Variants in PCDHAC2 observed in about 807,000 individuals in gnomAD.
PCDHAC2 encodes the protein protocadherin alpha-C2.
In PCDHAC2, 24 loss-of-function variants were observed where a neutral mutation model predicts 63.3. That is an observed-to-expected ratio of 0.38 (90% CI 0.27 to 0.53). PCDHAC2 has a LOEUF of 0.53. PCDHAC2 is among the 20% of genes least tolerant of loss of function. The pLI is 0.81. For missense variants in PCDHAC2, 1,181 were observed against 1,275.2 expected, an observed-to-expected ratio of 0.93 and a Z score of 1.12; for synonymous variants, 569 against 529.4, an observed-to-expected ratio of 1.07 and a Z score of -1.03.
At chr5:140,987,938 C>G (rs2153869339) in intron 3 of PCDHAC2, among the ~76,000 whole-genome samples, 1 of 152,208 alleles carries the variant, frequency 6.6e-6, no homozygotes, top group East Asian at 1.9e-4. Context: ...AGGATTCTTA[C>G]CTGTCTGACA....
intron 3 of PCDHAC2, among the ~76,000 whole-genome samples, chr5:140,992,185 C>G (rs1554252730): frequency 1.3e-5 from 2 of 152,102 alleles, no homozygotes; most frequent in African/African-American, 4.8e-5. Context: ...ATCATGCTTT[C>G]AGTGATCTAT....
intron 2 of PCDHAC2, among the ~76,000 whole-genome samples, chr5:140,979,601 C>T (rs1214449101): frequency 1.3e-5 from 2 of 152,160 alleles, no homozygotes; most frequent in African/African-American, 4.8e-5. Context: ...TTTAAATTAA[C>T]CTAGAGTAAC....
At chr5:140,971,892 G>T in intron 1 of PCDHAC2, among the ~76,000 whole-genome samples, 1 of 151,812 alleles carries the variant, frequency 6.6e-6, no homozygotes, top group African/African-American at 2.4e-5. Context: ...AGCTCAGGGA[G>T]GTTAGGTAAT....
intron 3 of PCDHAC2, among the ~76,000 whole-genome samples, chr5:141,002,460 C>T (rs1554258683): frequency 2.0e-5 from 3 of 152,174 alleles, no homozygotes; most frequent in African/African-American, 7.2e-5. Context: ...ATTTGTATAA[C>T]GCTTTAGCAT....
intron 3 of PCDHAC2, among the ~76,000 whole-genome samples, chr5:141,008,968 T>C (rs1241825350): frequency 6.6e-6 from 1 of 152,256 alleles, no homozygotes; most frequent in Non-Finnish European, 1.5e-5. Flanking sequence ...AATACATTTA[T>C]AGCCAAAGTT....
At chr5:140,980,858 A>T (rs2096908934) in intron 2 of PCDHAC2, among the ~76,000 whole-genome samples, 2 of 152,162 alleles carry the variant, frequency 1.3e-5, no homozygotes, top group Admixed American at 1.3e-4. Flanking sequence ...TCTTTTTCGT[A>T]TGTGTGCTTG....
chr5:140,992,017 CTGTGTGTGTG>C (rs10602499), intron 3 of PCDHAC2, among the ~76,000 whole-genome samples: 1 of 145,512 alleles, frequency 6.9e-6, no homozygotes, highest in Non-Finnish European at 1.5e-5. Context: ...AGAGGTGGCT[CTGTGTGTGTG>C]TGTGTGTGTG....
chr5:140,976,354 C>A (rs1331334402), intron 1 of PCDHAC2, among the ~76,000 whole-genome samples: 2 of 151,960 alleles, frequency 1.3e-5, no homozygotes, highest in Non-Finnish European at 2.9e-5. Context: ...TGTTCAAGAC[C>A]AGCCTGGCCA....
chr5:140,979,006 A>G lies in PCDHAC2; in HGVS notation c.2623A>G (p.Ser875Gly), dbSNP rs149397164. ...TGCCTCCCTGAGAGCAGGCATGCAC[A>G]GGTATGTATTTCCCTCCTCATTCAC... ...YSASLRAGMH[S>G]SVHLEEAGIL... Residue 875 changes from serine (S) to glycine (G), a missense_variant and splice_region_variant, in exon 2 of 4, where the codon AGC becomes GGC. Ser to Gly is a moderately conservative substitution (Grantham distance 56). This residue lies in a region of PCDHAC2 where 968 missense variants were observed against 1,073.5 expected (regional missense o/e 0.90). Coordinates refer to ENST00000289269, the MANE Select transcript of PCDHAC2 (RefSeq NM_018899.6). The G allele has an allele frequency of 4.3e-6, 7 of 1,614,000 alleles. No individual in the cohort carries two copies. The highest frequency in any genetic ancestry group is 5.1e-6 in the Non-Finnish European group (6 of 1,179,938).
chr5:141,001,492 T>A (rs1190860523), intron 3 of PCDHAC2, among the ~76,000 whole-genome samples: 1 of 152,236 alleles, frequency 6.6e-6, no homozygotes, highest in African/African-American at 2.4e-5. Context: ...CTGGAAATGC[T>A]AGCCCAGGTG....
intron 2 of PCDHAC2, among the ~76,000 whole-genome samples, chr5:140,980,258 G>A (rs2096882497): frequency 6.6e-6 from 1 of 152,164 alleles, no homozygotes; most frequent in Non-Finnish European, 1.5e-5. Context: ...GTAAAAGCAT[G>A]GTTTACAGTA....
rs2096830713 is a variant in PCDHAC2 at position 140,978,969 on chromosome 5, C to G, written c.2586C>G (p.Asp862Glu). 4 of 1,614,092 alleles carry G rather than the reference C, an allele frequency of 2.5e-6. No homozygotes were observed. The highest frequency in any genetic ancestry group is 1.6e-4 in the Middle Eastern group (1 of 6,084). ...TGCAGCCACGACAGCCCAACCCTGACTGGCGTTACTCTGCCTCCCTGAGAG... is the reference window on the plus strand; with the variant it reads ...TGCAGCCACGACAGCCCAACCCTGAGTGGCGTTACTCTGCCTCCCTGAGAG... ...SQNEPRQPNP[D>E]WRYSASLRAG... The change falls in exon 2 of 4, where the codon GAC becomes GAG. Residue 862 changes from aspartate (D) to glutamate (E), a missense_variant. Coordinates refer to ENST00000289269, the MANE Select transcript of PCDHAC2 (RefSeq NM_018899.6).
At chr5:140,995,653 G>A (rs964259982) in intron 3 of PCDHAC2, among the ~76,000 whole-genome samples, 1 of 152,100 alleles carries the variant, frequency 6.6e-6, no homozygotes, top group Non-Finnish European at 1.5e-5. Context: ...AAGGAGAATC[G>A]AAAAGGGAAG....
At chr5:140,973,980 A>G (rs1554235707) in intron 1 of PCDHAC2, among the ~76,000 whole-genome samples, 1 of 152,248 alleles carries the variant, frequency 6.6e-6, no homozygotes, top group African/African-American at 2.4e-5. Flanking sequence ...TGGCTTTTAC[A>G]GAACTTCACC....
At chr5:140,972,471 G>A (rs1437633114) in intron 1 of PCDHAC2, among the ~76,000 whole-genome samples, 6 of 151,998 alleles carry the variant, frequency 3.9e-5, no homozygotes, top group Non-Finnish European at 8.8e-5. Context: ...TTAAACATCA[G>A]CATTTAACCC....
chr5:140,969,401 T>A, intron 1 of PCDHAC2, 70 bp downstream of exon 1: 1 of 1,579,566 alleles, frequency 6.3e-7, no homozygotes, highest in Non-Finnish European at 8.6e-7. Flanking sequence ...ATCCTGTGAT[T>A]TGGCTTTATT....
chr5:141,003,240 C>T (rs1563674729), intron 3 of PCDHAC2, among the ~76,000 whole-genome samples: 2 of 152,150 alleles, frequency 1.3e-5, no homozygotes, highest in South Asian at 4.1e-4. Context: ...GAAATTTTGC[C>T]AAAAAGATTC....
chr5:140,985,900 C>A (rs896937826), intron 3 of PCDHAC2, among the ~76,000 whole-genome samples: 2 of 151,872 alleles, frequency 1.3e-5, no homozygotes, highest in Non-Finnish European at 2.9e-5. Context: ...CCACCACTCC[C>A]GTCTAATTTT....
chr5:140,992,270 G>A (rs115480506), intron 3 of PCDHAC2, among the ~76,000 whole-genome samples: 186 of 152,264 alleles, frequency 1.2e-3, no homozygotes, highest in African/African-American at 4.1e-3. Flanking sequence ...AGTTCTTTTC[G>A]TAGCACATCC....
Sources: gnomAD v4.1 joint callset for allele counts (sites outside exome capture counted in the v4.1 genomes callset) on GRCh38, gnomAD v4.1.1 for gene constraint, gnomAD v4.1.1 regional missense constraint, MANE v1.5 for transcripts, NCBI Gene and HGNC (gene_info 2026-07-23, HGNC 2026-07-21) for gene names.